Variants in PTPRD observed in about 807,000 individuals in gnomAD.
PTPRD encodes protein tyrosine phosphatase receptor type D, also known as receptor-type tyrosine-protein phosphatase delta.
In PTPRD, 34 loss-of-function variants were observed where a neutral mutation model predicts 214.5. The ratio of observed to expected loss-of-function variants is 0.16; its 90% confidence interval spans 0.12 to 0.21. The LOEUF is 0.21. PTPRD is among the 10% of genes least tolerant of loss of function. The pLI is 1.00. For missense variants in PTPRD, 2,545 were observed against 2,398.7 expected (o/e 1.06, Z -1.27); for synonymous variants, 1,128 against 845.7 (o/e 1.33, Z -5.79).
intron 11 of PTPRD, among the ~76,000 whole-genome samples, chr9:8,770,930 T>C (rs142867629): frequency 2.1e-3 from 316 of 152,134 alleles, no homozygotes; most frequent in Middle Eastern, 6.8e-3. Flanking sequence ...CTGTAATACC[T>C]GCACTTTGGG....
chr9:9,018,847 T>C (rs974441526), intron 10 of PTPRD, 112 bp from the exon 11 acceptor site: 1 of 152,126 alleles, frequency 6.6e-6, no homozygotes, highest in African/African-American at 2.4e-5. Context: ...AATGTCAAAT[T>C]CCAACAAGAA....
intron 3 of PTPRD, among the ~76,000 whole-genome samples, chr9:10,314,092 A>G (rs997336065): frequency 6.6e-6 from 1 of 151,978 alleles, no homozygotes; most frequent in Non-Finnish European, 1.5e-5. Flanking sequence ...ATAAATGTGA[A>G]TTTTAATCTT....
At chr9:8,352,655 T>G (rs149970357) in intron 39 of PTPRD, among the ~76,000 whole-genome samples, 6 of 152,192 alleles carry the variant, frequency 3.9e-5, no homozygotes, top group Non-Finnish European at 5.9e-5. Context: ...TTACTCCTGA[T>G]TCAGGTTAAG....
intron 5 of PTPRD, among the ~76,000 whole-genome samples, chr9:9,799,868 T>A (rs1326956063): frequency 6.6e-6 from 1 of 151,782 alleles, no homozygotes; most frequent in African/African-American, 2.4e-5. Context: ...AGCTTTCTTT[T>A]TGAACTCTGA....
intron 8 of PTPRD, among the ~76,000 whole-genome samples, chr9:9,480,728 T>C (rs1004201258): frequency 5.9e-5 from 9 of 152,164 alleles, no homozygotes; most frequent in African/African-American, 2.2e-4. Flanking sequence ...AATTTCCTTT[T>C]ATTTAGGATG....
rs569186435 is a variant in PTPRD, at chr9:9,575,318, T to A, written c.-286-537A>T. On this transcript the variant is annotated intron_variant, in intron 7 of 45. Transcript: ENST00000381196. ...ACAGTACTCCATCGTTCACTGTACATCCTAAATTATTTAAGATATTTGATT... is the reference window on the plus strand; with the variant it reads ...ACAGTACTCCATCGTTCACTGTACAACCTAAATTATTTAAGATATTTGATT... Among the ~76,000 whole-genome samples the A allele has an allele frequency of 4.6e-5, 7 of 152,276 alleles. No homozygotes were observed. In the South Asian group the frequency reaches 1.4e-3, roughly 32 times the overall value.
At chr9:8,574,288 T>G (rs377728535) in intron 14 of PTPRD, among the ~76,000 whole-genome samples, 4 of 152,164 alleles carry the variant, frequency 2.6e-5, no homozygotes, top group African/African-American at 9.6e-5. Context: ...TCTTTGGCAC[T>G]GTCTATCAAT....
chr9:10,047,126 A>T (rs1401057781), intron 3 of PTPRD, among the ~76,000 whole-genome samples: 4 of 151,984 alleles, frequency 2.6e-5, no homozygotes, highest in African/African-American at 9.7e-5. Context: ...CCTATAGCAT[A>T]CGTAAGTTAA....
chr9:8,449,916 A>G, intron 33 of PTPRD, 79 bp from the exon 34 acceptor site: 7 of 1,356,092 alleles, frequency 5.2e-6, no homozygotes, highest in Non-Finnish European at 7.3e-6. Context: ...TTGCACCTGC[A>G]CTCCCCCCAC....
At chr9:8,712,522 C>A (rs1597687656) in intron 12 of PTPRD, among the ~76,000 whole-genome samples, 1 of 151,466 alleles carries the variant, frequency 6.6e-6, no homozygotes, top group East Asian at 1.9e-4. Flanking sequence ...TGAAAGTGGA[C>A]AGATACTGCC....
chr9:9,184,952 T>C (rs1440598731), intron 9 of PTPRD, among the ~76,000 whole-genome samples: 1 of 152,040 alleles, frequency 6.6e-6, no homozygotes, highest in Middle Eastern at 3.2e-3. Flanking sequence ...AAAGGTAAAA[T>C]TTGATTTTGT....
At chr9:9,651,826 G>GTTTTTTTTTTTTTTTTT (rs869105633) in intron 7 of PTPRD, among the ~76,000 whole-genome samples, 2 of 55,064 alleles carry the variant, frequency 3.6e-5, no homozygotes, top group Non-Finnish European at 3.5e-5. Context: ...TTCAAGGTTT[G>GTTTTTTTTTTTTTTTTT]TTTTTTTTTT....
At chr9:9,705,747 A>C (rs559323161) in intron 7 of PTPRD, among the ~76,000 whole-genome samples, 54 of 152,302 alleles carry the variant, frequency 3.5e-4, no homozygotes, top group African/African-American at 1.2e-3. Flanking sequence ...AAAATCAAAA[A>C]AGTTTTTTAT....
intron 36 of PTPRD, among the ~76,000 whole-genome samples, chr9:8,389,943 G>A (rs1363367567): frequency 3.3e-5 from 5 of 152,144 alleles, no homozygotes; most frequent in African/African-American, 1.2e-4. Flanking sequence ...GGAGAAAACT[G>A]AGGTGCAAAG....
intron 3 of PTPRD, among the ~76,000 whole-genome samples, chr9:10,251,412 A>G (rs865788149): frequency 2.0e-5 from 3 of 147,682 alleles, no homozygotes; most frequent in African/African-American, 7.4e-5. Context: ...TTTTTTTTTT[A>G]ATTTTTTTCC....
chr9:10,410,270 T>TATAC (rs532202941), intron 2 of PTPRD, among the ~76,000 whole-genome samples: 19 of 139,850 alleles, frequency 1.4e-4, no homozygotes, highest in Middle Eastern at 3.5e-3. Flanking sequence ...TATATATATA[T>TATAC]ACACACACAC....
At chr9:10,588,095 G>T (rs562605306) in intron 2 of PTPRD, among the ~76,000 whole-genome samples, 10 of 152,130 alleles carry the variant, frequency 6.6e-5, no homozygotes, top group African/African-American at 2.4e-4. Context: ...AAGGGAATAA[G>T]ATGACTGATT....
intron 7 of PTPRD, among the ~76,000 whole-genome samples, chr9:9,629,230 G>C (rs946592518): frequency 2.8e-4 from 31 of 111,972 alleles, no homozygotes; most frequent in Non-Finnish European, 4.6e-4. Context: ...ATATATATGT[G>C]TGTGTGTGTA....
intron 2 of PTPRD, among the ~76,000 whole-genome samples, chr9:10,580,303 T>C (rs1284941317): frequency 6.6e-6 from 1 of 152,200 alleles, no homozygotes; most frequent in African/African-American, 2.4e-5. Flanking sequence ...CTATGCCATT[T>C]TTAAAATAAA....
Sources: allele counts gnomAD v4.1 joint callset (sites outside exome capture counted in the v4.1 genomes callset), GRCh38; gene constraint gnomAD v4.1.1; transcripts MANE v1.5; gene names NCBI Gene and HGNC (gene_info 2026-07-23, HGNC 2026-07-21).